The following GPR107 variants were observed in gnomAD, a reference collection of about 807,000 sequenced individuals.
GPR107 encodes G protein-coupled receptor 107, also known as protein GPR107.
A neutral mutation model predicts 75.5 loss-of-function variants in GPR107; 31 were observed. The observed-to-expected ratio is 0.41, with a 90% confidence interval of 0.31 to 0.55. The LOEUF (loss-of-function observed/expected upper bound fraction) is 0.55, where lower values mean the gene tolerates loss of function less well. Ranked by LOEUF, GPR107 falls within the 20% of genes least tolerant of loss-of-function variation. The pLI is 0.26. For missense variants in GPR107, 572 were observed against 665.7 expected (o/e 0.86, Z 1.55); for synonymous variants, 267 against 251.3 (o/e 1.06, Z -0.59).
At chr9:130,061,873 G>T (rs747015069) in intron 1 of GPR107, among the ~76,000 whole-genome samples, 55 of 152,056 alleles carry the variant, frequency 3.6e-4, no homozygotes, top group Non-Finnish European at 2.9e-5. Flanking sequence ...GAACCTGGTA[G>T]GCCAGTGAGG....
chr9:130,123,716 A>G (rs1472685857), intron 14 of GPR107, among the ~76,000 whole-genome samples: 2 of 151,612 alleles, frequency 1.3e-5, no homozygotes, highest in African/African-American at 4.9e-5. Context: ...GCTGGTCTCA[A>G]ACTCCTGGGC....
intron 6 of GPR107, among the ~76,000 whole-genome samples, chr9:130,084,898 C>T (rs1339074148): frequency 2.6e-5 from 4 of 152,074 alleles, no homozygotes; most frequent in African/African-American, 9.7e-5. Context: ...AAGGAGCTGT[C>T]GCCGGGGCTG....
At chr9:130,085,974 C>T (rs1325692424) in intron 6 of GPR107, among the ~76,000 whole-genome samples, 1 of 152,072 alleles carries the variant, frequency 6.6e-6, no homozygotes, top group Non-Finnish European at 1.5e-5. Flanking sequence ...TGGTCTTGAA[C>T]TCCTGACCTC....
chr9:130,074,692 C>G (rs1457147075), intron 1 of GPR107, among the ~76,000 whole-genome samples: 2 of 152,022 alleles, frequency 1.3e-5, no homozygotes, highest in African/African-American at 2.4e-5. Context: ...CCTGGGATTC[C>G]TCTTGCATAA....
In GPR107 at chr9:130,068,146, T is replaced by C. The variant is rs145093123; in HGVS notation, c.142-7490T>C. 9.7e-4 allele frequency among the ~76,000 whole-genome samples: 148 copies of C among 152,234 alleles called. 1 individual carries two copies. The East Asian group carries it at 0.026, about 27-fold the overall frequency. Reference sequence around the variant, plus strand: ...TTTTTGCTTACCTTTTGGATCTGATTTTTGTTTTGATCAGTGGTCACAAAT... The same window carrying C: ...TTTTTGCTTACCTTTTGGATCTGATCTTTGTTTTGATCAGTGGTCACAAAT... On this transcript the variant is annotated intron_variant, in intron 1 of 17. Transcript: ENST00000347136.
chr9:130,087,769 G>C (rs997700560), intron 7 of GPR107, among the ~76,000 whole-genome samples: 1 of 134,676 alleles, frequency 7.4e-6, no homozygotes, highest in African/African-American at 2.8e-5. Flanking sequence ...TCATGCCACT[G>C]CACTGCAGCC....
rs1830372871 is a variant in GPR107, at chr9:130,077,237, A to G, written c.307-62A>G. 5.6e-6 allele frequency: 5 copies of G among 888,934 alleles called. No homozygotes were observed. In the African/African-American group the frequency reaches 8.2e-5, roughly 15 times the overall value. 55.1% of individuals were successfully genotyped at this position (888,934 alleles called of 1,614,324 possible). On this transcript the variant is annotated intron_variant, in intron 3 of 17. Transcript: ENST00000347136. ...CCACGTATTTGCTATGTTCCTGAAA[A>G]CTCTGTTCTTGTTCTAGTGTGAATG...
chr9:130,121,943 T>G (rs1418969468), intron 14 of GPR107, among the ~76,000 whole-genome samples: 2 of 151,950 alleles, frequency 1.3e-5, no homozygotes, highest in Non-Finnish European at 2.9e-5. Flanking sequence ...CAGGCTGGAG[T>G]GCAGTGGCGT....
At chr9:130,124,352 A>G (rs549773361) in intron 14 of GPR107, among the ~76,000 whole-genome samples, 3 of 152,336 alleles carry the variant, frequency 2.0e-5, no homozygotes, top group Admixed American at 2.0e-4. Context: ...TTGAGCATGC[A>G]TGAAGGTAGG....
At chr9:130,116,325 C>G (rs997488957) in intron 14 of GPR107, among the ~76,000 whole-genome samples, 1 of 152,194 alleles carries the variant, frequency 6.6e-6, no homozygotes, top group African/African-American at 2.4e-5. Flanking sequence ...TTCTGTGTGT[C>G]TTGAGACATT....
rs951075158 is a variant in GPR107 at position 130,135,856 on chromosome 9, G to A, written c.*735G>A. The A allele has an allele frequency of 6.6e-6, 1 of 152,228 alleles. No homozygotes were observed. The highest frequency in any genetic ancestry group is 1.5e-5 in the Non-Finnish European group (1 of 68,068). 9.4% of individuals were successfully genotyped at this position (152,228 alleles called of 1,614,324 possible). A position where few individuals can be genotyped will look rare whatever the true frequency, so the allele number is the denominator to read the frequency against. ...TGGGAGGTGGTTTTCTGACTGAGAT[G>A]TTGCCTGATGGATGGAAAGAAATGT... On this transcript the variant is annotated 3_prime_UTR_variant, in exon 18 of 18. Transcript: ENST00000347136.
chr9:130,065,901 C>T (rs12337015), intron 1 of GPR107, among the ~76,000 whole-genome samples: 2 of 152,026 alleles, frequency 1.3e-5, no homozygotes, highest in Non-Finnish European at 2.9e-5. Flanking sequence ...TGGATCTTTC[C>T]TAATCCATTG....
chr9:130,116,309 T>A (rs935087398), intron 14 of GPR107, among the ~76,000 whole-genome samples: 1 of 152,242 alleles, frequency 6.6e-6, no homozygotes, highest in Non-Finnish European at 1.5e-5. Context: ...TTAACATGCA[T>A]GTGCTTTCTG....
rs979800614 is a variant in GPR107, at chr9:130,110,400, C to T, written c.1306+2861C>T. Reference sequence around the variant, plus strand: ...AGCATGGGACCTCTTCAGCAGAGAGCGAATCTAAGAGCAGGAAGTCGCATA... The same window carrying T: ...AGCATGGGACCTCTTCAGCAGAGAGTGAATCTAAGAGCAGGAAGTCGCATA... On this transcript the variant is annotated intron_variant, in intron 14 of 17. Coordinates refer to ENST00000347136, the MANE Select transcript of GPR107 (RefSeq NM_020960.5). The T allele has an allele frequency of 4.6e-6, 7 of 1,535,922 alleles. No individual in the cohort carries two copies. The highest frequency in any genetic ancestry group is 3.9e-5 in the Admixed American group (2 of 50,964).
chr9:130,068,030 G>A (rs1240527157), intron 1 of GPR107, among the ~76,000 whole-genome samples: 3 of 151,398 alleles, frequency 2.0e-5, no homozygotes, highest in East Asian at 3.9e-4. Flanking sequence ...GCGAGCCATC[G>A]AGCTCAGCCA....
intron 10 of GPR107, 34 bp downstream of exon 10, chr9:130,099,566 A>G: frequency 8.6e-7 from 1 of 1,163,408 alleles, no homozygotes; most frequent in South Asian, 1.2e-5. Context: ...CATTCATGAA[A>G]TTACGTATAA....
At chr9:130,132,060 T>A (rs782001512) in intron 17 of GPR107, among the ~76,000 whole-genome samples, 9 of 152,138 alleles carry the variant, frequency 5.9e-5, no homozygotes, top group Non-Finnish European at 1.2e-4. Context: ...GTTTTTGTAT[T>A]TTTTTGTAGA....
intron 14 of GPR107, among the ~76,000 whole-genome samples, chr9:130,120,357 G>A (rs779253463): frequency 2.6e-5 from 4 of 152,116 alleles, no homozygotes; most frequent in Non-Finnish European, 4.4e-5. Flanking sequence ...ACGTGGCGAC[G>A]CATGATGCCA....
At chr9:130,115,219 T>C (rs564157971) in intron 14 of GPR107, among the ~76,000 whole-genome samples, 1 of 152,204 alleles carries the variant, frequency 6.6e-6, no homozygotes, top group Non-Finnish European at 1.5e-5. Flanking sequence ...CCATGTAATA[T>C]CATGGATTCA....
Sources: gnomAD v4.1 joint callset for allele counts (sites outside exome capture counted in the v4.1 genomes callset) on GRCh38, gnomAD v4.1.1 for gene constraint, MANE v1.5 for transcripts, NCBI Gene and HGNC (gene_info 2026-07-23, HGNC 2026-07-21) for gene names.